Variants in LETM1 observed in about 807,000 individuals in gnomAD.
LETM1 encodes the protein mitochondrial proton/calcium exchanger protein.
LETM1 carries 50 observed loss-of-function variants against 74.5 expected under a neutral mutation model. That is an observed-to-expected ratio of 0.67 (90% CI 0.53 to 0.85). The LOEUF is 0.85. LETM1 is among the 40% of genes least tolerant of loss of function. LETM1 has a pLI of 0.00. For synonymous variants in LETM1, 446 were observed against 407.1 expected (o/e 1.10, Z -1.15); for missense variants, 824 against 967.8 (o/e 0.85, Z 1.97).
chr4:1,816,671 A>T, intron 12 of LETM1, 56 bp downstream of exon 12: 1 of 1,540,426 alleles, frequency 6.5e-7, no homozygotes. Flanking sequence ...CAGCAAAGGG[A>T]CCAGCCTCCC....
intron 1 of LETM1, among the ~76,000 whole-genome samples, chr4:1,853,885 G>T (rs1713150608): frequency 6.6e-6 from 1 of 152,136 alleles, no homozygotes; most frequent in South Asian, 2.1e-4. Context: ...TTCTACAGCA[G>T]ACCTGCCAGT....
At position 1,836,830 on chromosome 4, in the gene LETM1, C is replaced by A. The variant is rs1712476641; in HGVS notation, c.595-258G>T. 1.3e-5 allele frequency among the ~76,000 whole-genome samples: 2 copies of A among 152,090 alleles called. No individual in the cohort carries two copies. The highest frequency in any genetic ancestry group is 2.9e-5 in the Non-Finnish European group (2 of 68,014). On this transcript the variant is annotated intron_variant, in intron 3 of 13. Coordinates refer to ENST00000302787, the MANE Select transcript of LETM1 (RefSeq NM_012318.3). This position sits in a 1 kb window ranked among gnomAD's most constrained non-coding sequence, Gnocchi z 5.8. Reference sequence around the variant, plus strand: ...GACACCAAGGGCCACTGGGTGCTCCCAGCGATCGAGTCCTCCGAGGACACC... The same window carrying A: ...GACACCAAGGGCCACTGGGTGCTCCAAGCGATCGAGTCCTCCGAGGACACC...
chr4:1,823,632 G>C lies in LETM1; in HGVS notation c.1332+12C>G, dbSNP rs562864428. 6.8e-6 allele frequency: 11 copies of C among 1,613,050 alleles called. No homozygotes were observed. The Admixed American group carries it at 1.2e-4, about 17-fold the overall frequency. ...AAGAGATGAGGTAAAAGGGGTCTCC[G>C]ACAGCACGTACCACAATCTCTGGGA... is the stretch of plus-strand genomic sequence containing the variant. On this transcript the variant is annotated intron_variant, in intron 8 of 13. Transcript: ENST00000302787.
intron 2 of LETM1, among the ~76,000 whole-genome samples, 189 bp from the exon 3 acceptor site, chr4:1,841,986 C>G (rs938767623): frequency 6.6e-6 from 1 of 152,156 alleles, no homozygotes; most frequent in African/African-American, 2.4e-5. Context: ...GAGGCCAGGA[C>G]AGTGTGCAGC....
At chr4:1,824,901 C>G (rs1711929067) in intron 7 of LETM1, among the ~76,000 whole-genome samples, 1 of 152,252 alleles carries the variant, frequency 6.6e-6, no homozygotes, top group East Asian at 1.9e-4. Flanking sequence ...TAAATACTGT[C>G]TGTGTCGAGA....
In LETM1 at chr4:1,815,663, C is replaced by G. The variant is rs1711548555; in HGVS notation, c.2070+1G>C. Reference sequence around the variant, plus strand: ...CCTGCGTGGTCCCCAGCGAGGCCCACCTTGACGAGGTCGTCGATGTTGACC... The same window carrying G: ...CCTGCGTGGTCCCCAGCGAGGCCCAGCTTGACGAGGTCGTCGATGTTGACC... On this transcript the variant is annotated splice_donor_variant, in intron 13 of 13. Transcript: ENST00000302787. LOFTEE classifies it high-confidence loss of function. 1 of 1,614,100 alleles carries G rather than the reference C, an allele frequency of 6.2e-7. No homozygotes were observed.
intron 5 of LETM1, chr4:1,833,385 C>T (rs1471440560): frequency 4.5e-6 from 1 of 220,778 alleles, no homozygotes; most frequent in Non-Finnish European, 9.2e-6. Flanking sequence ...GGCGTCTGGC[C>T]TGTGGACCTC....
At chr4:1,831,298 G>T (rs1432283323) in intron 6 of LETM1, among the ~76,000 whole-genome samples, 1 of 152,220 alleles carries the variant, frequency 6.6e-6, no homozygotes, top group African/African-American at 2.4e-5. Flanking sequence ...AGAAGTGCAG[G>T]CTCCCCATCC....
rs531959938 is a variant in LETM1, at chr4:1,855,370, C to G, written c.82+499G>C. 3.9e-5 allele frequency among the ~76,000 whole-genome samples: 6 copies of G among 152,300 alleles called. No homozygotes were observed. In the South Asian group the frequency reaches 1.2e-3, roughly 32 times the overall value. On this transcript the variant is annotated intron_variant, in intron 1 of 13. Coordinates refer to ENST00000302787, the MANE Select transcript of LETM1 (RefSeq NM_012318.3). ...CGGAGTCCCCGTGTTCCCCGGGTGC[C>G]GGTCGCGGCCTAATCACACCACAGG...
At position 1,823,105 on chromosome 4, in the gene LETM1, G is replaced by C; in HGVS notation, c.1359C>G (p.Ala453=). The change falls in exon 9 of 14, where the codon GCC becomes GCG. Residue 453 remains alanine, a synonymous_variant. Coordinates refer to ENST00000302787, the MANE Select transcript of LETM1 (RefSeq NM_012318.3). ...TGTCCACCTGCTCGCCCTCCACCTC[G>C]GCCACTTTCACCTGTGCTTCCTTTG... is the stretch of plus-strand genomic sequence containing the variant. ...IVAKEAQVKV[A]EVEGEQVDNK... The C allele has an allele frequency of 6.2e-7, 1 of 1,604,796 alleles. No homozygotes were observed. The highest frequency in any genetic ancestry group is 8.5e-7 in the Non-Finnish European group (1 of 1,174,864).
At position 1,823,765 on chromosome 4, in the gene LETM1, A is replaced by C. The variant is rs371744665; in HGVS notation, c.1211T>G (p.Leu404Arg). The part of the protein sequence containing the change: ...LRGQLKQWLD[L>R]HLHQEIPTSL... ...TGTGGGGATCTCCTGATGCAGGTGC[A>C]GGTCCAGCCACTGCAACCAAGGCCA... The change falls in exon 8 of 14, where the codon CTG becomes CGG. Residue 404 changes from leucine to arginine, a missense_variant. Physicochemically the swap from Leu to Arg is moderately radical, Grantham distance 102 (BLOSUM62 -2). Transcript: ENST00000302787. 1 of 1,609,754 alleles carries C rather than the reference A, an allele frequency of 6.2e-7. No individual in the cohort carries two copies. Among genetic ancestry groups the C allele is most frequent in the African/African-American group, 1.3e-5 (1 of 74,834 alleles).
At chr4:1,822,888 G>A in intron 9 of LETM1, 100 bp downstream of exon 9, 2 of 1,132,490 alleles carry the variant, frequency 1.8e-6, no homozygotes, top group Non-Finnish European at 2.2e-6. Flanking sequence ...CAGAGCTGCA[G>A]GGCAAGCATG....
chr4:1,819,439 G>A lies in LETM1; in HGVS notation c.1642C>T (p.Leu548Phe). Reference sequence around the variant, plus strand: ...TGCAGCTTAGAGCAGGCATCGCTGAGGATGTCGATTTCCTCCTTCGTGATC... The same window carrying A: ...TGCAGCTTAGAGCAGGCATCGCTGAAGATGTCGATTTCCTCCTTCGTGATC... Reference protein sequence around the residue: ...EEITKEEIDILSDACSKLQEQ... With the variant: ...EEITKEEIDIFSDACSKLQEQ... Residue 548 changes from leucine (L) to phenylalanine (F), a missense_variant, in exon 11 of 14, where the codon CTC (leucine) becomes TTC (phenylalanine). Physicochemically the swap from Leu to Phe is conservative, Grantham distance 22 (BLOSUM62 0). This residue lies in a region of LETM1 where 161 missense variants were observed against 252.7 expected (regional missense o/e 0.64). Transcript: ENST00000302787. The A allele has an allele frequency of 6.2e-7, 1 of 1,613,466 alleles. No homozygotes were observed. The highest frequency in any genetic ancestry group is 1.3e-5 in the African/African-American group (1 of 74,972).
intron 7 of LETM1, among the ~76,000 whole-genome samples, chr4:1,824,483 C>A (rs1711910674): frequency 6.6e-6 from 1 of 152,158 alleles, no homozygotes; most frequent in African/African-American, 2.4e-5. Context: ...GCAAGAAAGA[C>A]CGTGACAATG....
At chr4:1,821,269 T>A (rs1182593027) in intron 10 of LETM1, among the ~76,000 whole-genome samples, 1 of 151,904 alleles carries the variant, frequency 6.6e-6, no homozygotes, top group Non-Finnish European at 1.5e-5. Context: ...ATTTTTTGTA[T>A]TTTTAGTAGA....
At chr4:1,828,722 C>T (rs1444744688) in intron 6 of LETM1, among the ~76,000 whole-genome samples, 13 of 137,824 alleles carry the variant, frequency 9.4e-5, no homozygotes, top group African/African-American at 2.0e-4. Context: ...GGCGGCTGGC[C>T]GGGCAGAGGG....
intron 3 of LETM1, among the ~76,000 whole-genome samples, chr4:1,837,699 GTTTTTT>G (rs1156556783): frequency 2.4e-5 from 3 of 125,762 alleles, no homozygotes; most frequent in African/African-American, 9.1e-5. Flanking sequence ...AAATTTACAA[GTTTTTT>G]TTTTTTTTTT....
intron 13 of LETM1, among the ~76,000 whole-genome samples, chr4:1,815,162 G>T (rs528479756): frequency 2.2e-4 from 34 of 152,352 alleles, no homozygotes; most frequent in Admixed American, 7.8e-4. Context: ...CTGGGCCAGG[G>T]TCTCCGGGGC....
chr4:1,848,098 C>T (rs573362181), intron 2 of LETM1, among the ~76,000 whole-genome samples: 5 of 152,088 alleles, frequency 3.3e-5, no homozygotes, highest in Admixed American at 2.0e-4. Flanking sequence ...AAACGTTATT[C>T]GTGGACCTTA....
Sources: gnomAD v4.1 joint callset for allele counts (sites outside exome capture counted in the v4.1 genomes callset) on GRCh38, gnomAD v4.1.1 for gene constraint, gnomAD v4.1.1 regional missense constraint, Gnocchi (gnomAD v3.1) non-coding constraint, MANE v1.5 for transcripts, NCBI Gene and HGNC (gene_info 2026-07-23, HGNC 2026-07-21) for gene names.